ABI3BP: variants seen among roughly 807,000 people sequenced by gnomAD.
ABI3BP encodes the protein target of Nesh-SH3.
In ABI3BP, 216 loss-of-function variants were observed where a neutral mutation model predicts 268.6. The ratio of observed to expected loss-of-function variants is 0.80; its 90% CI spans 0.72 to 0.90. The LOEUF is 0.90. Among genes scored for constraint, ABI3BP ranks in the 40% least tolerant of loss-of-function variants. The pLI, the probability that ABI3BP is intolerant of heterozygous loss-of-function variation, is 0.00. For missense variants in ABI3BP, 2,090 were observed against 2,182.4 expected, an observed-to-expected ratio of 0.96 and a Z score of 0.84; for synonymous variants, 730 against 730.0, an observed-to-expected ratio of 1.00 and a Z score of 0.00.
At chr3:100,792,855 G>C (rs1293822248) in intron 54 of ABI3BP, 87 bp from the exon 55 acceptor site, 1 of 1,109,212 alleles carries the variant, frequency 9.0e-7, no homozygotes, top group Non-Finnish European at 1.3e-6. Flanking sequence ...TCTGTCCCAT[G>C]CAATAATAAA....
chr3:100,816,100 C>T (rs74540761), intron 43 of ABI3BP, 129 bp from the exon 44 acceptor site: 11,264 of 673,352 alleles, frequency 0.017, 175 homozygotes, highest in Middle Eastern at 0.026. Context: ...TGATAGGCAG[C>T]ATATAGTTGC....
intron 7 of ABI3BP, among the ~76,000 whole-genome samples, chr3:100,876,047 T>A (rs1486329881): frequency 6.6e-6 from 1 of 152,244 alleles, no homozygotes; most frequent in Non-Finnish European, 1.5e-5. Flanking sequence ...CTGTCTCTTC[T>A]ACCAAGAAAC....
intron 29 of ABI3BP, 47 bp from the exon 30 acceptor site, chr3:100,833,204 T>TA (rs1235310062): frequency 2.7e-6 from 4 of 1,480,856 alleles, no homozygotes; most frequent in Non-Finnish European, 3.6e-6. Flanking sequence ...AAATAAATGT[T>TA]AAACACACGA....
intron 14 of ABI3BP, among the ~76,000 whole-genome samples, chr3:100,861,430 A>G (rs2098997242): frequency 6.6e-6 from 1 of 152,190 alleles, no homozygotes; most frequent in South Asian, 2.1e-4. Flanking sequence ...TTCATTATAC[A>G]CTATATGATA....
chr3:100,821,126 A>C lies in ABI3BP; in HGVS notation c.2888-13T>G. 1.3e-6 allele frequency: 2 copies of C among 1,534,080 alleles called. No individual in the cohort carries two copies. Among genetic ancestry groups the C allele is most frequent in the Non-Finnish European group, 1.7e-6 (2 of 1,145,136 alleles). On this transcript the variant is annotated splice_polypyrimidine_tract_variant and intron_variant, in intron 38 of 67. Coordinates refer to ENST00000471714, the MANE Select transcript of ABI3BP (RefSeq NM_001375547.2). Reference sequence around the variant, plus strand: ...TCCGCAGTAGGAACTGATCAAAAGCATTAAAATTAACCAAATGATTATTTT... The same window carrying C: ...TCCGCAGTAGGAACTGATCAAAAGCCTTAAAATTAACCAAATGATTATTTT...
intron 1 of ABI3BP, among the ~76,000 whole-genome samples, chr3:100,977,822 A>G (rs1272522530): frequency 6.6e-6 from 1 of 152,132 alleles, no homozygotes; most frequent in Non-Finnish European, 1.5e-5. Context: ...ATTTTTTTAT[A>G]CCACATCAAA....
chr3:100,910,486 T>C (rs528432458), intron 2 of ABI3BP, among the ~76,000 whole-genome samples: 1 of 152,296 alleles, frequency 6.6e-6, no homozygotes, highest in South Asian at 2.1e-4. Context: ...TCATACAAAT[T>C]TCTTTCTACA....
chr3:100,926,855 C>T (rs1041309668), intron 1 of ABI3BP, among the ~76,000 whole-genome samples: 1 of 152,138 alleles, frequency 6.6e-6, no homozygotes, highest in African/African-American at 2.4e-5. Context: ...AACGCCCAGC[C>T]TCCTTTATGA....
chr3:100,891,266 T>C (rs760365747), intron 4 of ABI3BP, among the ~76,000 whole-genome samples: 1 of 152,202 alleles, frequency 6.6e-6, no homozygotes, highest in Non-Finnish European at 1.5e-5. Context: ...TATCACCCAC[T>C]GGTGGCTGGT....
Position 100,838,384 on chromosome 3 carries a change from A to G in ABI3BP, c.2008+18T>C. On this transcript the variant is annotated intron_variant, in intron 25 of 67. Transcript: ENST00000471714. ...TGTTTTCCTATTTATAGATCAAGGCATTGAAAGTAATGATTACCAGGCTGA... is the reference window on the plus strand; with the variant it reads ...TGTTTTCCTATTTATAGATCAAGGCGTTGAAAGTAATGATTACCAGGCTGA... 6.5e-7 allele frequency: 1 copy of G among 1,534,336 alleles called. No homozygotes were observed. Among genetic ancestry groups the G allele is most frequent in the Non-Finnish European group, 8.7e-7 (1 of 1,145,290 alleles).
intron 13 of ABI3BP, 155 bp downstream of exon 13, chr3:100,862,683 C>A: frequency 1.6e-6 from 1 of 619,564 alleles, no homozygotes; most frequent in Non-Finnish European, 2.7e-6. Context: ...GCAGAAAATC[C>A]AAATAGATTT....
chr3:100,864,145 C>T (rs2099026433), intron 11 of ABI3BP, 69 bp from the exon 12 acceptor site: 1 of 980,796 alleles, frequency 1.0e-6, no homozygotes. Context: ...TAACCATGAT[C>T]ATGCACAGCA....
intron 1 of ABI3BP, among the ~76,000 whole-genome samples, chr3:100,963,228 A>G (rs2079811822): frequency 6.6e-6 from 1 of 152,194 alleles, no homozygotes; most frequent in Non-Finnish European, 1.5e-5. Context: ...TCACACCATT[A>G]CTAAGTGGCA....
intron 9 of ABI3BP, among the ~76,000 whole-genome samples, chr3:100,874,232 C>T (rs2099138511): frequency 6.6e-6 from 1 of 152,094 alleles, no homozygotes; most frequent in African/African-American, 2.4e-5. Flanking sequence ...TTAAGCCCTC[C>T]AGGTGCTCCT....
At position 100,762,918 on chromosome 3, in the gene ABI3BP, C is replaced by T. The variant is rs77510855; in HGVS notation, c.4850+2923G>A. Among the ~76,000 whole-genome samples the T allele has an allele frequency of 8.2e-3, 1,243 of 152,266 alleles. 20 individuals are homozygous for T. The highest frequency in any genetic ancestry group is 0.028 in the African/African-American group (1,175 of 41,548). ...TACTTCAGACTACTGATTTACAACT[C>T]CTAAGTCATGATCCATTAGTTAGGG... is the stretch of plus-strand genomic sequence containing the variant. On this transcript the variant is annotated intron_variant, in intron 63 of 67. Coordinates refer to ENST00000471714, the MANE Select transcript of ABI3BP (RefSeq NM_001375547.2).
At chr3:100,862,277 A>G in intron 14 of ABI3BP, 34 bp downstream of exon 14, 2 of 1,415,192 alleles carry the variant, frequency 1.4e-6, no homozygotes, top group Non-Finnish European at 1.9e-6. Context: ...ATTCCTTGTT[A>G]TAATCGATTT....
In ABI3BP at chr3:100,812,488, C is replaced by T. The variant is rs2097886432; in HGVS notation, c.3400G>A (p.Glu1134Lys). 8 of 1,325,510 alleles carry T rather than the reference C, an allele frequency of 6.0e-6. No homozygotes were observed. Among genetic ancestry groups the T allele is most frequent in the Non-Finnish European group, 5.8e-6 (6 of 1,039,088 alleles). 82.1% of individuals were successfully genotyped at this position (1,325,510 alleles called of 1,614,324 possible). The change falls in exon 46 of 68, where the codon GAG becomes AAG. Residue 1134 changes from glutamate (E) to lysine (K), a missense_variant. Coordinates refer to ENST00000471714, the MANE Select transcript of ABI3BP (RefSeq NM_001375547.2). ...TTACCTATGGTCTCCTTTGGTGACTCAGTACTAAGTGTAACCGATTCCAGA... is the reference window on the plus strand; with the variant it reads ...TTACCTATGGTCTCCTTTGGTGACTTAGTACTAAGTGTAACCGATTCCAGA... ...DVLESVTLST[E>K]SPKETIAPAK...
At position 100,780,172 on chromosome 3, in the gene ABI3BP, T is replaced by A. The variant is rs1440552379; in HGVS notation, c.4200A>T (p.Arg1400Ser). Residue 1400 changes from arginine (R) to serine (S), a missense_variant, in exon 58 of 68, where the codon AGA (arginine) becomes AGT (serine). By Grantham distance (110) the Arg-to-Ser change is moderately radical. Transcript: ENST00000471714. ...GGTGGGTAGAGTCCACTGATACATT[T>A]CTATCAGCACCTGATGGCCTGGGTG... ...KQAPRPSGAD[R>S]NVSVDSTHPT... 1 of 1,613,088 alleles carries A rather than the reference T, an allele frequency of 6.2e-7. No individual in the cohort carries two copies.
At chr3:100,913,169 A>G (rs2057386962) in intron 2 of ABI3BP, among the ~76,000 whole-genome samples, 1 of 152,224 alleles carries the variant, frequency 6.6e-6, no homozygotes, top group Non-Finnish European at 1.5e-5. Flanking sequence ...CCGGTGACAA[A>G]GAACTGACTA....
Sources: gnomAD v4.1 joint callset for allele counts (sites outside exome capture counted in the v4.1 genomes callset) on GRCh38, gnomAD v4.1.1 for gene constraint, MANE v1.5 for transcripts, NCBI Gene and HGNC (gene_info 2026-07-23, HGNC 2026-07-21) for gene names.